The following MDGA2 variants were observed in gnomAD, a reference collection of about 807,000 sequenced individuals.
MDGA2 encodes MAM domain containing glycosylphosphatidylinositol anchor 2.
Under a neutral mutation model 117.8 loss-of-function variants are expected in MDGA2, and 40 were observed. The observed-to-expected ratio is 0.34, with a 90% CI of 0.26 to 0.44. The LOEUF is 0.44. MDGA2 is among the 20% of genes least tolerant of loss of function. MDGA2 has a pLI of 1.00. For synonymous variants in MDGA2, 452 were observed against 439.0 expected, an observed-to-expected ratio of 1.03 and a Z score of -0.37; for missense variants, 1,123 against 1,250.6, an observed-to-expected ratio of 0.90 and a Z score of 1.54.
intron 6 of MDGA2, among the ~76,000 whole-genome samples, chr14:47,093,785 AT>A (rs1879806054): frequency 6.6e-6 from 1 of 152,082 alleles, no homozygotes; most frequent in Non-Finnish European, 1.5e-5. Context: ...CTTGAATTTT[AT>A]TTCTATCAGC....
chr14:47,264,345 T>C (rs1887895331), intron 2 of MDGA2, among the ~76,000 whole-genome samples: 1 of 152,136 alleles, frequency 6.6e-6, no homozygotes, highest in Non-Finnish European at 1.5e-5. Context: ...AATTATTTGC[T>C]CCAGGTAGGC....
chr14:47,008,221 G>A (rs566332247), intron 8 of MDGA2, among the ~76,000 whole-genome samples: 9 of 151,920 alleles, frequency 5.9e-5, no homozygotes, highest in South Asian at 2.1e-4. Context: ...GAGGTCCTCC[G>A]AGTAAATATG....
chr14:47,144,322 C>A, intron 3 of MDGA2, 48 bp from the exon 4 acceptor site: 1 of 1,440,414 alleles, frequency 6.9e-7, no homozygotes, highest in Non-Finnish European at 9.4e-7. Context: ...AGATAGATGA[C>A]TTTTAAAGTA....
chr14:47,632,942 A>G (rs548276406), intron 1 of MDGA2, among the ~76,000 whole-genome samples: 1 of 152,054 alleles, frequency 6.6e-6, no homozygotes, highest in South Asian at 2.1e-4. Context: ...AACTTCTCTA[A>G]TTTGCAACTA....
intron 9 of MDGA2, among the ~76,000 whole-genome samples, chr14:46,944,525 A>AT (rs1283136481): frequency 1.3e-5 from 2 of 151,810 alleles, no homozygotes; most frequent in Non-Finnish European, 2.9e-5. Context: ...AATTTCAGCC[A>AT]TTTTTTCTGC....
chr14:47,380,796 G>C (rs1296594140), intron 1 of MDGA2, among the ~76,000 whole-genome samples: 1 of 151,962 alleles, frequency 6.6e-6, no homozygotes, highest in Non-Finnish European at 1.5e-5. Context: ...GCAGGAGCTG[G>C]CACCATTCCT....
chr14:47,345,169 C>T (rs1890737848), intron 1 of MDGA2, among the ~76,000 whole-genome samples: 1 of 152,012 alleles, frequency 6.6e-6, no homozygotes, highest in African/African-American at 2.4e-5. Context: ...TTAGCTAGGA[C>T]TTGGCAAACT....
At chr14:47,657,095 C>A (rs1311352320) in intron 1 of MDGA2, among the ~76,000 whole-genome samples, 1 of 152,174 alleles carries the variant, frequency 6.6e-6, no homozygotes, top group African/African-American at 2.4e-5. Flanking sequence ...AAGATGCCAG[C>A]AGATGATTCC....
intron 1 of MDGA2, among the ~76,000 whole-genome samples, chr14:47,391,944 C>T (rs773940950): frequency 2.0e-5 from 3 of 152,112 alleles, no homozygotes; most frequent in South Asian, 2.1e-4. Flanking sequence ...ATGCATCACT[C>T]AAACAAATAG....
intron 3 of MDGA2, among the ~76,000 whole-genome samples, chr14:47,166,580 C>T (rs1883887080): frequency 6.6e-6 from 1 of 152,192 alleles, no homozygotes; most frequent in South Asian, 2.1e-4. Flanking sequence ...ATTAGCACCT[C>T]TTCTAAGAAT....
chr14:46,987,557 T>C (rs933452485), intron 8 of MDGA2, among the ~76,000 whole-genome samples: 1 of 152,030 alleles, frequency 6.6e-6, no homozygotes, highest in African/African-American at 2.4e-5. Flanking sequence ...CACATTGAAA[T>C]ATTGAGAAGG....
In MDGA2 at chr14:47,179,563, T is replaced by C. The variant is rs79549588; in HGVS notation, c.596-35289A>G. On this transcript the variant is annotated intron_variant, in intron 3 of 16. Coordinates refer to ENST00000399232, the MANE Select transcript of MDGA2 (RefSeq NM_001113498.3). ...TCTCATTTACACATAATTAAAGGTT[T>C]GGGGTTTTCTTTGTAAAATCATTTT... is the stretch of plus-strand genomic sequence containing the variant. Among the ~76,000 whole-genome samples the C allele has an allele frequency of 6.1e-4, 93 of 152,212 alleles. 1 individual carries two copies. The East Asian group carries it at 0.017, about 27-fold the overall frequency.
intron 10 of MDGA2, among the ~76,000 whole-genome samples, chr14:46,896,807 A>C (rs878876849): frequency 6.6e-6 from 1 of 152,194 alleles, no homozygotes; most frequent in African/African-American, 2.4e-5. Context: ...ATGACAAGAA[A>C]TGCTACTTGC....
chr14:47,480,281 C>A (rs1360664302), intron 1 of MDGA2, among the ~76,000 whole-genome samples: 1 of 151,952 alleles, frequency 6.6e-6, no homozygotes, highest in East Asian at 1.9e-4. Context: ...CCAAGAACTG[C>A]ATAATGTTAA....
intron 1 of MDGA2, among the ~76,000 whole-genome samples, chr14:47,314,338 T>TGTA (rs1364434576): frequency 6.6e-6 from 1 of 152,148 alleles, no homozygotes; most frequent in Non-Finnish European, 1.5e-5. Context: ...ACAGATAGTA[T>TGTA]GTACACATAA....
intron 1 of MDGA2, among the ~76,000 whole-genome samples, chr14:47,444,904 C>G (rs1893089862): frequency 6.6e-6 from 1 of 152,074 alleles, no homozygotes; most frequent in Non-Finnish European, 1.5e-5. Context: ...ATACCATAAC[C>G]TAATTGAATA....
intron 9 of MDGA2, among the ~76,000 whole-genome samples, chr14:46,920,384 T>C (rs1595044986): frequency 6.6e-6 from 1 of 152,090 alleles, no homozygotes; most frequent in Non-Finnish European, 1.5e-5. Flanking sequence ...GCCTAAGTGA[T>C]TGGAGGAATG....
At chr14:47,454,616 C>T (rs1481813186) in intron 1 of MDGA2, among the ~76,000 whole-genome samples, 1 of 151,982 alleles carries the variant, frequency 6.6e-6, no homozygotes, top group Non-Finnish European at 1.5e-5. Flanking sequence ...ACACATGTAC[C>T]TGATTCTCTG....
chr14:47,133,966 C>T (rs1206287503), intron 4 of MDGA2, among the ~76,000 whole-genome samples: 2 of 151,848 alleles, frequency 1.3e-5, no homozygotes, highest in Non-Finnish European at 2.9e-5. Flanking sequence ...ACACTTTAAC[C>T]AATATTTTTT....
Sources: allele counts gnomAD v4.1 joint callset (sites outside exome capture counted in the v4.1 genomes callset), GRCh38; gene constraint gnomAD v4.1.1; transcripts MANE v1.5; gene names NCBI Gene and HGNC (gene_info 2026-07-23, HGNC 2026-07-21).